The following TBC1D2 variants were observed in gnomAD, a reference collection of about 807,000 sequenced individuals.
TBC1D2 encodes the protein TBC1 domain family member 2, also known as TBC1 domain family member 2A.
A neutral mutation model predicts 91.1 loss-of-function variants in TBC1D2; 58 were observed. That is an observed-to-expected ratio of 0.64 (90% CI 0.52 to 0.79). The LOEUF is 0.79. Ranked by LOEUF, TBC1D2 falls within the 30% of genes least tolerant of loss-of-function variation. TBC1D2 has a pLI of 0.00. For missense variants in TBC1D2, 1,080 were observed against 1,208.3 expected (o/e 0.89, Z 1.57); for synonymous variants, 482 against 511.5 (o/e 0.94, Z 0.78).
chr9:98,247,336 A>G (rs560396490), intron 2 of TBC1D2, among the ~76,000 whole-genome samples: 2 of 150,544 alleles, frequency 1.3e-5, no homozygotes, highest in South Asian at 4.2e-4. Flanking sequence ...TCTCAAAAAA[A>G]AAAAACAAAA....
At chr9:98,246,035 T>C (rs1415679157) in intron 2 of TBC1D2, among the ~76,000 whole-genome samples, 1 of 152,192 alleles carries the variant, frequency 6.6e-6, no homozygotes, top group Non-Finnish European at 1.5e-5. Flanking sequence ...GACTTGAAAA[T>C]GTTTAATGTT....
chr9:98,242,080 A>G (rs1050335441), intron 3 of TBC1D2, among the ~76,000 whole-genome samples: 1 of 152,200 alleles, frequency 6.6e-6, no homozygotes, highest in Non-Finnish European at 1.5e-5. Flanking sequence ...GGGGTCCCTT[A>G]TCAAAGTCCC....
chr9:98,217,430 G>A (rs531709344), intron 6 of TBC1D2, among the ~76,000 whole-genome samples: 24 of 152,374 alleles, frequency 1.6e-4, no homozygotes, highest in Admixed American at 2.6e-4. Context: ...CCCTGGGCCA[G>A]TCCTTCTCCC....
chr9:98,211,820 G>A (rs139443161), intron 7 of TBC1D2, among the ~76,000 whole-genome samples: 1 of 148,142 alleles, frequency 6.8e-6, no homozygotes, highest in Admixed American at 6.7e-5. Flanking sequence ...TTTTTCCTGA[G>A]AGAGTCTCGC....
Position 98,255,324 on chromosome 9 carries a change from T to C in TBC1D2, c.218A>G (p.Glu73Gly). ...GWKSRWFFYDERKCQLYYSRT... is the reference protein window; with the variant it reads ...GWKSRWFFYDGRKCQLYYSRT... Reference sequence around the variant, plus strand: ...CGAGTAATACAGCTGACATTTCCTTTCGTCGTAGAAGAACCAGCGGGATTT... The same window carrying C: ...CGAGTAATACAGCTGACATTTCCTTCCGTCGTAGAAGAACCAGCGGGATTT... The change falls in exon 1 of 13, where the codon GAA (glutamate) becomes GGA (glycine). Residue 73 changes from glutamate (E) to glycine (G), a missense_variant. By Grantham distance (98) the Glu-to-Gly change is moderately conservative (BLOSUM62 -2). Coordinates refer to ENST00000465784, the MANE Select transcript of TBC1D2 (RefSeq NM_001267571.2). The C allele has an allele frequency of 1.2e-6, 2 of 1,614,248 alleles. No homozygotes were observed. The highest frequency in any genetic ancestry group is 2.2e-5 in the South Asian group (2 of 91,080).
intron 4 of TBC1D2, among the ~76,000 whole-genome samples, chr9:98,232,340 C>CTTTTTTTTTTTTTTTTTTTTTTTT (rs1554754378): frequency 3.8e-5 from 2 of 52,060 alleles, no homozygotes; most frequent in African/African-American, 1.6e-4. Context: ...TTCTCTTTTT[C>CTTTTTTTTTTTTTTTTTTTTTTTT]TGTTTTTTTT....
In TBC1D2 at chr9:98,210,763, C is replaced by T; in HGVS notation, c.1566G>A (p.Gly522=). 2 of 1,566,184 alleles carry T rather than the reference C, an allele frequency of 1.3e-6. No individual in the cohort carries two copies. The highest frequency in any genetic ancestry group is 3.3e-4 in the Middle Eastern group (2 of 6,012). ...AGLRRLQEAL[G]DEASECSELL... is the part of the protein sequence containing the mutation. ...GCTCTGAGCACTCGCTGGCTTCGTC[C>T]CCCAGGGCCTCCTGCAGCCTTCTCA... Residue 522 remains glycine (G), a synonymous_variant, in exon 8 of 13, where the codon GGG becomes GGA. Coordinates refer to ENST00000465784, the MANE Select transcript of TBC1D2 (RefSeq NM_001267571.2).
At chr9:98,245,560 C>T (rs1355905909) in intron 2 of TBC1D2, among the ~76,000 whole-genome samples, 2 of 152,014 alleles carry the variant, frequency 1.3e-5, no homozygotes, top group African/African-American at 4.8e-5. Context: ...GAGTAAGACC[C>T]CGCCTCAAAA....
chr9:98,249,363 T>G (rs772252847), intron 2 of TBC1D2, among the ~76,000 whole-genome samples: 27 of 152,216 alleles, frequency 1.8e-4, no homozygotes, highest in Non-Finnish European at 3.4e-4. Context: ...CCGTGTGTGC[T>G]GAAGCAAAGC....
Position 98,208,774 on chromosome 9 carries a change from T to G in TBC1D2, c.2044A>C (p.Lys682Gln), listed in dbSNP as rs1456382380. ...LDLNRTFPNN[K>Q]HFTCPTSSFP... ...CTGGAGGTGGGGCAGGTGAAGTGTT[T>G]GTTGTTGGGGAAGGTCCGGTTCAGG... Residue 682 changes from lysine (K) to glutamine (Q), a missense_variant, in exon 9 of 13, where the codon AAA becomes CAA. Coordinates refer to ENST00000465784, the MANE Select transcript of TBC1D2 (RefSeq NM_001267571.2). 6.3e-7 allele frequency: 1 copy of G among 1,580,714 alleles called. No homozygotes were observed. The highest frequency in any genetic ancestry group is 2.3e-5 in the East Asian group (1 of 44,324).
intron 5 of TBC1D2, among the ~76,000 whole-genome samples, chr9:98,227,697 G>C (rs191921541): frequency 2.4e-4 from 37 of 151,606 alleles, no homozygotes; most frequent in African/African-American, 7.5e-4. Flanking sequence ...CAGGAGAATC[G>C]CTTGAACCCG....
chr9:98,235,203 C>CA (rs373446510), intron 3 of TBC1D2: 3,245 of 241,764 alleles, frequency 0.013, no homozygotes, highest in South Asian at 0.029. Context: ...GACTCCATTT[C>CA]AAAAAAAAAA....
intron 10 of TBC1D2, among the ~76,000 whole-genome samples, chr9:98,201,945 C>T (rs1001018848): frequency 6.6e-6 from 1 of 152,204 alleles, no homozygotes; most frequent in Non-Finnish European, 1.5e-5. Context: ...TCTCCGCCCG[C>T]TCACCCATCT....
intron 11 of TBC1D2, 92 bp downstream of exon 11, chr9:98,201,387 T>A: frequency 4.1e-6 from 5 of 1,214,248 alleles, no homozygotes; most frequent in Non-Finnish European, 5.8e-6. Context: ...AAGTAAGCAT[T>A]GTCTTCCCAT....
chr9:98,247,245 C>G (rs538294959), intron 2 of TBC1D2, among the ~76,000 whole-genome samples: 7 of 148,060 alleles, frequency 4.7e-5, no homozygotes, highest in African/African-American at 1.7e-4. Flanking sequence ...GAGAATCGCT[C>G]GAACCTGGGA....
chr9:98,210,508 A>G, intron 8 of TBC1D2, 148 bp downstream of exon 8: 2 of 775,350 alleles, frequency 2.6e-6, no homozygotes, highest in Non-Finnish European at 3.9e-6. Context: ...GAACCATCTC[A>G]GCTGCAGCCG....
chr9:98,235,761 A>G (rs911134190), intron 3 of TBC1D2, among the ~76,000 whole-genome samples: 2 of 152,160 alleles, frequency 1.3e-5, no homozygotes, highest in East Asian at 3.9e-4. Context: ...TCGGCTGGGC[A>G]CGGTGGCTCA....
At chr9:98,252,453 G>A (rs1324326185) in intron 1 of TBC1D2, among the ~76,000 whole-genome samples, 1 of 152,356 alleles carries the variant, frequency 6.6e-6, no homozygotes, top group Middle Eastern at 3.4e-3. Context: ...ACATGCACAT[G>A]TGACAACATG....
Position 98,228,910 on chromosome 9 carries a change from G to T in TBC1D2, c.978+42C>A, listed in dbSNP as rs1829299021. The T allele has an allele frequency of 1.9e-6, 3 of 1,583,702 alleles. No individual in the cohort carries two copies. The highest frequency in any genetic ancestry group is 2.6e-6 in the Non-Finnish European group (3 of 1,158,002). On this transcript the variant is annotated intron_variant, in intron 5 of 12. Coordinates refer to ENST00000465784, the MANE Select transcript of TBC1D2 (RefSeq NM_001267571.2). The surrounding 1 kb of genome is among the most constrained non-coding windows in gnomAD (Gnocchi z 4.0). ...ATCCGAAAGGCTCCAGGAACTGGAG[G>T]GGTCCACTGGAACCTGGGGCCTCCC... is the stretch of plus-strand genomic sequence containing the variant.
Sources: gnomAD v4.1 joint callset for allele counts (sites outside exome capture counted in the v4.1 genomes callset) on GRCh38, gnomAD v4.1.1 for gene constraint, Gnocchi (gnomAD v3.1) non-coding constraint, MANE v1.5 for transcripts, NCBI Gene and HGNC (gene_info 2026-07-23, HGNC 2026-07-21) for gene names.